Variants in SLC16A9 observed in about 807,000 individuals in gnomAD.
SLC16A9 encodes the protein monocarboxylate transporter 9.
Under a neutral mutation model 44.3 loss-of-function variants are expected in SLC16A9, and 26 were observed. The observed-to-expected ratio is 0.59, with a 90% CI of 0.43 to 0.81. SLC16A9 has a LOEUF of 0.81. SLC16A9 is among the 40% of genes least tolerant of loss of function. The pLI is 0.00. For missense variants in SLC16A9, 559 were observed against 595.8 expected (o/e 0.94, Z 0.64); for synonymous variants, 230 against 225.1 (o/e 1.02, Z -0.19).
intron 1 of SLC16A9, among the ~76,000 whole-genome samples, chr10:59,699,901 A>C (rs909734560): frequency 2.0e-5 from 3 of 147,560 alleles, no homozygotes; most frequent in Non-Finnish European, 4.5e-5. Flanking sequence ...CTGCACTGAA[A>C]ACACACACAC....
chr10:59,653,498 T>G (rs1839265078), intron 5 of SLC16A9, among the ~76,000 whole-genome samples, 177 bp downstream of exon 5: 1 of 143,596 alleles, frequency 7.0e-6, no homozygotes, highest in African/African-American at 2.5e-5. Flanking sequence ...TCCCAGAGCA[T>G]GCATATTCGC....
chr10:59,671,510 T>C (rs1191858383), intron 3 of SLC16A9, among the ~76,000 whole-genome samples: 4 of 152,220 alleles, frequency 2.6e-5, no homozygotes, highest in Non-Finnish European at 5.9e-5. Context: ...TATGGGATTA[T>C]GCCCCAACTG....
intron 1 of SLC16A9, among the ~76,000 whole-genome samples, chr10:59,698,887 G>A (rs539701463): frequency 5.3e-5 from 8 of 152,076 alleles, no homozygotes; most frequent in South Asian, 4.2e-4. Flanking sequence ...ACAGGCATCC[G>A]CCACCATGCC....
chr10:59,669,776 G>A (rs1427839423), intron 3 of SLC16A9, among the ~76,000 whole-genome samples: 2 of 151,936 alleles, frequency 1.3e-5, no homozygotes, highest in Non-Finnish European at 2.9e-5. Flanking sequence ...GGCGGAGGTT[G>A]CAGTGAGACT....
At chr10:59,692,707 T>C (rs2132516959) in intron 1 of SLC16A9, among the ~76,000 whole-genome samples, 1 of 152,350 alleles carries the variant, frequency 6.6e-6, no homozygotes, top group African/African-American at 2.4e-5. Context: ...CTGATATCAC[T>C]CTTTCCCTCA....
At chr10:59,669,697 G>C (rs374893142) in intron 3 of SLC16A9, among the ~76,000 whole-genome samples, 4 of 152,010 alleles carry the variant, frequency 2.6e-5, no homozygotes, top group Non-Finnish European at 5.9e-5. Context: ...TGAGTCAAGC[G>C]TGGTGGCTTG....
Position 59,652,118 on chromosome 10 carries a change from G to A in SLC16A9, c.*654C>T, listed in dbSNP as rs1376938043. The A allele has an allele frequency of 6.6e-6, 1 of 152,176 alleles. No homozygotes were observed. The highest frequency in any genetic ancestry group is 1.5e-5 in the Non-Finnish European group (1 of 68,044). 9.4% of individuals were successfully genotyped at this position (152,176 alleles called of 1,614,324 possible). On this transcript the variant is annotated 3_prime_UTR_variant, in exon 6 of 6. Transcript: ENST00000395348. ...ACCCACATCTCAGCAAATACCTTAG[G>A]AACTGAAACAGTTGCTCAGTGGGTA...
chr10:59,675,288 C>G (rs962178640), intron 2 of SLC16A9, among the ~76,000 whole-genome samples: 2 of 152,098 alleles, frequency 1.3e-5, no homozygotes, highest in African/African-American at 4.8e-5. Context: ...AAAGTCAGAC[C>G]AGCATTCTCC....
At position 59,684,207 on chromosome 10, in the gene SLC16A9, A is replaced by G; in HGVS notation, c.85T>C (p.Ser29Pro). 1 of 1,614,070 alleles carries G rather than the reference A, an allele frequency of 6.2e-7. No homozygotes were observed. The highest frequency in any genetic ancestry group is 8.5e-7 in the Non-Finnish European group (1 of 1,179,990). ...TACAGGACTCCAACAGCTAGTGGGG[A>G]TCCGTAACACAAAAACTGAGTAAGG... Reference protein sequence around the residue: ...SFLTQFLCYGSPLAVGVLYIE... With the variant: ...SFLTQFLCYGPPLAVGVLYIE... The change falls in exon 2 of 6, where the codon TCC (serine) becomes CCC (proline). Residue 29 changes from serine to proline, a missense_variant. Physicochemically the swap from Ser to Pro is moderately conservative, Grantham distance 74. Transcript: ENST00000395348.
intron 1 of SLC16A9, among the ~76,000 whole-genome samples, chr10:59,697,928 G>T (rs1840434399): frequency 6.8e-6 from 1 of 147,008 alleles, no homozygotes; most frequent in Non-Finnish European, 1.5e-5. Context: ...ATAAGAGTGG[G>T]TTGCAAATTC....
At chr10:59,700,695 G>C (rs768845740) in intron 1 of SLC16A9, among the ~76,000 whole-genome samples, 2 of 152,086 alleles carry the variant, frequency 1.3e-5, no homozygotes, top group Non-Finnish European at 2.9e-5. Flanking sequence ...AGCATGAAAG[G>C]GTACTCTCCC....
intron 1 of SLC16A9, among the ~76,000 whole-genome samples, chr10:59,690,441 G>A (rs763774997): frequency 6.6e-6 from 1 of 152,146 alleles, no homozygotes; most frequent in Non-Finnish European, 1.5e-5. Context: ...TAAATGTTTA[G>A]GAGTCGAAGG....
At chr10:59,686,702 A>G (rs1403079473) in intron 1 of SLC16A9, among the ~76,000 whole-genome samples, 1 of 152,338 alleles carries the variant, frequency 6.6e-6, no homozygotes, top group East Asian at 1.9e-4. Flanking sequence ...TATACAATGC[A>G]CAATGCAATA....
At chr10:59,660,322 C>CA (rs1839442981) in intron 4 of SLC16A9, among the ~76,000 whole-genome samples, 1 of 152,094 alleles carries the variant, frequency 6.6e-6, no homozygotes, top group Non-Finnish European at 1.5e-5. Context: ...AAGGGGAGAT[C>CA]ACCACTGATC....
intron 3 of SLC16A9, among the ~76,000 whole-genome samples, chr10:59,666,925 T>G: frequency 6.6e-6 from 1 of 151,014 alleles, no homozygotes; most frequent in South Asian, 2.1e-4. Flanking sequence ...TCTGTCACCA[T>G]GCATTTGACA....
intron 1 of SLC16A9, among the ~76,000 whole-genome samples, chr10:59,697,189 G>A (rs1840412021): frequency 6.7e-6 from 1 of 150,274 alleles, no homozygotes; most frequent in Non-Finnish European, 1.5e-5. Context: ...CTACTGGGAA[G>A]TGAGGAGCCC....
chr10:59,697,542 G>A (rs930680255), intron 1 of SLC16A9, among the ~76,000 whole-genome samples: 114 of 150,648 alleles, frequency 7.6e-4, no homozygotes, highest in African/African-American at 2.7e-3. Context: ...CAGCATGCTC[G>A]TTAAGAGTCA....
Position 59,652,894 on chromosome 10 carries a change from A to G in SLC16A9, c.1408T>C (p.Cys470Arg). ...AGAATAAAACCTCCCAGCAGGACGC[A>G]GAAGCCACTAAAATAAAATGCAATA... ...YDIAFYFSGF[C>R]VLLGGFILLL... The change falls in exon 6 of 6, where the codon TGC becomes CGC. Residue 470 changes from cysteine (C) to arginine (R), a missense_variant. Physicochemically the swap from Cys to Arg is radical, Grantham distance 180. Coordinates refer to ENST00000395348, the MANE Select transcript of SLC16A9 (RefSeq NM_194298.3). 1 of 1,614,006 alleles carries G rather than the reference A, an allele frequency of 6.2e-7. No homozygotes were observed. The highest frequency in any genetic ancestry group is 8.5e-7 in the Non-Finnish European group (1 of 1,179,944).
Position 59,653,868 on chromosome 10 carries a change from C to T in SLC16A9, c.1158G>A (p.Leu386=), listed in dbSNP as rs1839278161. 1 of 1,613,996 alleles carries T rather than the reference C, an allele frequency of 6.2e-7. No individual in the cohort carries two copies. The highest frequency in any genetic ancestry group is 1.3e-5 in the African/African-American group (1 of 74,906). ...AGCTTTTGGCAAATGGAATTGCACA[C>T]AAGGCTAGGCCCATGATGATTAAGG... The part of the protein sequence containing the change: ...VATLIIMGLA[L]CAIPFAKSYV... Residue 386 remains leucine (L), a synonymous_variant, in exon 5 of 6, where the codon TTG becomes TTA. Transcript: ENST00000395348.
Sources: allele counts gnomAD v4.1 joint callset (sites outside exome capture counted in the v4.1 genomes callset), GRCh38; gene constraint gnomAD v4.1.1; transcripts MANE v1.5; gene names NCBI Gene and HGNC (gene_info 2026-07-23, HGNC 2026-07-21).